The following LPIN3 variants were observed in gnomAD, a reference collection of about 807,000 sequenced individuals.
LPIN3 encodes the protein phosphatidate phosphatase LPIN3.
LPIN3 carries 82 observed loss-of-function variants against 94.7 expected under a neutral mutation model. The ratio of observed to expected loss-of-function variants is 0.87; its 90% CI spans 0.72 to 1.04. LPIN3 has a LOEUF of 1.04. Ranked by LOEUF, LPIN3 falls within the 50% of genes least tolerant of loss-of-function variation. LPIN3 has a pLI of 0.00. For missense variants in LPIN3, 996 were observed against 1,090.5 expected (o/e 0.91, Z 1.22); for synonymous variants, 418 against 443.3 (o/e 0.94, Z 0.72).
In LPIN3 at chr20:41,358,431, T is replaced by G. The variant is rs1188140452; in HGVS notation, c.2308-8T>G. 1 of 1,613,030 alleles carries G rather than the reference T, an allele frequency of 6.2e-7. No individual in the cohort carries two copies. ...CTCCATTCCATGGGCCCCTCCTGTC[T>G]CCCACAGGATGTCTTTGCCTACCGG... On this transcript the variant is annotated splice_polypyrimidine_tract_variant and splice_region_variant and intron_variant, in intron 18 of 19. Coordinates refer to ENST00000373257, the MANE Select transcript of LPIN3 (RefSeq NM_022896.3).
intron 1 of LPIN3, among the ~76,000 whole-genome samples, chr20:41,341,793 C>T (rs1318375564): frequency 2.0e-5 from 3 of 152,110 alleles, no homozygotes; most frequent in Non-Finnish European, 4.4e-5. Flanking sequence ...CATCCTAACA[C>T]GGTGAAACCC....
At chr20:41,356,994 C>T (rs752783744) in intron 14 of LPIN3, 46 bp from the exon 15 acceptor site, 1 of 1,594,230 alleles carries the variant, frequency 6.3e-7, no homozygotes, top group Admixed American at 1.7e-5. Flanking sequence ...GTAGGCAGTG[C>T]CTGGCTGTCA....
chr20:41,349,808 G>T lies in LPIN3; in HGVS notation c.673G>T (p.Asp225Tyr). Residue 225 changes from aspartate (D) to tyrosine (Y), a missense_variant, in exon 6 of 20, where the codon GAC (aspartate) becomes TAC (tyrosine). Physicochemically the swap from Asp to Tyr is radical, Grantham distance 160. Transcript: ENST00000373257. The stretch of plus-strand genomic sequence containing the variant: ...AGGTGAGCTAACATCCCCTAAGAGC[G>T]ACTCGGAGCTGGAGGTGCGGACCCC... ...SAGELTSPKS[D>Y]SELEVRTPEP... 3 of 1,613,556 alleles carry T rather than the reference G, an allele frequency of 1.9e-6. No individual in the cohort carries two copies. The highest frequency in any genetic ancestry group is 3.3e-4 in the Middle Eastern group (2 of 6,060).
In LPIN3 at chr20:41,357,876, T is replaced by C. The variant is rs370642739; in HGVS notation, c.2040-6T>C. ...GGCTCTATGCCACCCTGTCCCCCAC[T>C]CTCAGAAATGGGTACAAGTTCCTGT... On this transcript the variant is annotated splice_region_variant and splice_polypyrimidine_tract_variant and intron_variant, in intron 16 of 19. Coordinates refer to ENST00000373257, the MANE Select transcript of LPIN3 (RefSeq NM_022896.3). 6.2e-7 allele frequency: 1 copy of C among 1,614,012 alleles called. No individual in the cohort carries two copies. The highest frequency in any genetic ancestry group is 8.5e-7 in the Non-Finnish European group (1 of 1,179,976).
At chr20:41,341,984 T>A (rs2045597978) in intron 1 of LPIN3, among the ~76,000 whole-genome samples, 1 of 151,934 alleles carries the variant, frequency 6.6e-6, no homozygotes, top group South Asian at 2.1e-4. Context: ...CTCAAAAAAA[T>A]AAATAAATAA....
intron 1 of LPIN3, among the ~76,000 whole-genome samples, chr20:41,342,936 C>A (rs938196028): frequency 6.6e-6 from 1 of 152,148 alleles, no homozygotes; most frequent in African/African-American, 2.4e-5. Flanking sequence ...AGTAGGACCC[C>A]GGGTGCCATC....
At chr20:41,346,088 C>A in intron 2 of LPIN3, 93 bp downstream of exon 2, 1 of 1,304,794 alleles carries the variant, frequency 7.7e-7, no homozygotes, top group Non-Finnish European at 1.1e-6. Context: ...CTGGGGCCTC[C>A]CTTAGGTGGG....
chr20:41,354,433 G>A (rs142221411), intron 11 of LPIN3, among the ~76,000 whole-genome samples: 68 of 152,324 alleles, frequency 4.5e-4, no homozygotes, highest in African/African-American at 1.5e-3. Context: ...GGCAGGAATA[G>A]CCCTTGGTCT....
chr20:41,355,586 G>C (rs2146996176), intron 13 of LPIN3, among the ~76,000 whole-genome samples: 1 of 152,354 alleles, frequency 6.6e-6, no homozygotes, highest in African/African-American at 2.4e-5. Context: ...TGAAACCAAA[G>C]CAGGTGGGGT....
intron 11 of LPIN3, among the ~76,000 whole-genome samples, 194 bp downstream of exon 11, chr20:41,353,061 C>T (rs754883466): frequency 5.9e-5 from 9 of 152,192 alleles, no homozygotes; most frequent in Non-Finnish European, 1.0e-4. Flanking sequence ...GTTTCCTGGC[C>T]GTGGCTGAAT....
At chr20:41,353,879 C>A (rs945895751) in intron 11 of LPIN3, among the ~76,000 whole-genome samples, 2 of 152,224 alleles carry the variant, frequency 1.3e-5, no homozygotes, top group African/African-American at 4.8e-5. Context: ...GACCCAGAGT[C>A]TGTGGGAAGG....
intron 7 of LPIN3, among the ~76,000 whole-genome samples, chr20:41,350,756 A>G (rs1351347772): frequency 6.6e-6 from 1 of 152,182 alleles, no homozygotes; most frequent in African/African-American, 2.4e-5. Context: ...AAGGCTGGAG[A>G]GAAGTTTCAT....
intron 2 of LPIN3, among the ~76,000 whole-genome samples, chr20:41,346,598 G>A (rs369578648): frequency 2.6e-5 from 4 of 152,136 alleles, no homozygotes; most frequent in East Asian, 1.9e-4. Flanking sequence ...AAAATTAGCC[G>A]GGTGTGGTGG....
chr20:41,343,009 G>T (rs537205823), intron 1 of LPIN3, among the ~76,000 whole-genome samples: 1 of 152,086 alleles, frequency 6.6e-6, no homozygotes, highest in Non-Finnish European at 1.5e-5. Flanking sequence ...TGTCCCCCAG[G>T]AGACATTTAA....
rs760552215 is a variant in LPIN3 at position 41,357,967 on chromosome 20, G to A, written c.2125G>A (p.Gly709Arg). 29 of 1,613,342 alleles carry A rather than the reference G, an allele frequency of 1.8e-5. No individual in the cohort carries two copies. Among genetic ancestry groups the A allele is most frequent in the Non-Finnish European group, 2.1e-5 (25 of 1,179,780 alleles). Reference protein sequence around the residue: ...TKGYLQWVSEGGCSLPKGPIL... With the variant: ...TKGYLQWVSERGCSLPKGPIL... ...GGGGTACCTGCAGTGGGTGAGCGAG[G>A]GGGGCTGTAGCCTCCCCAAGGGCCC... The change falls in exon 17 of 20, where the codon GGG (glycine) becomes AGG (arginine). Residue 709 changes from glycine to arginine, a missense_variant. Physicochemically the swap from Gly to Arg is moderately radical, Grantham distance 125. Transcript: ENST00000373257.
At chr20:41,351,714 G>A in intron 7 of LPIN3, 107 bp from the exon 8 acceptor site, 1 of 929,600 alleles carries the variant, frequency 1.1e-6, no homozygotes, top group Non-Finnish European at 1.7e-6. Flanking sequence ...ACTGCAGAAG[G>A]TTCTGCTGGG....
chr20:41,341,216 C>A (rs2146888567), intron 1 of LPIN3, among the ~76,000 whole-genome samples: 1 of 152,332 alleles, frequency 6.6e-6, no homozygotes, highest in South Asian at 2.1e-4. Flanking sequence ...AACGTAGAGT[C>A]TGGAGAGGAG....
In LPIN3 at chr20:41,357,965, A is replaced by AG. The variant is rs778065166; in HGVS notation, c.2129dup (p.Cys711LeufsTer2). 4.6e-5 allele frequency: 74 copies of AG among 1,613,470 alleles called. No homozygotes were observed. The highest frequency in any genetic ancestry group is 5.8e-5 in the Non-Finnish European group (68 of 1,179,822). ...AAGGGGTACCTGCAGTGGGTGAGCG[A>AG]GGGGGGCTGTAGCCTCCCCAAGGGC... On this transcript the variant is annotated frameshift_variant, in exon 17 of 20. Coordinates refer to ENST00000373257, the MANE Select transcript of LPIN3 (RefSeq NM_022896.3). LOFTEE classifies it high-confidence loss of function.
At chr20:41,343,691 G>T (rs999679323) in intron 1 of LPIN3, among the ~76,000 whole-genome samples, 2 of 152,248 alleles carry the variant, frequency 1.3e-5, no homozygotes, top group African/African-American at 4.8e-5. Flanking sequence ...AGAGTAGACT[G>T]TGGACTGGGA....
Sources: allele counts gnomAD v4.1 joint callset (sites outside exome capture counted in the v4.1 genomes callset), GRCh38; gene constraint gnomAD v4.1.1; transcripts MANE v1.5; gene names NCBI Gene and HGNC (gene_info 2026-07-23, HGNC 2026-07-21).